The following LGR6 variants were observed in gnomAD, a reference collection of about 807,000 sequenced individuals.
LGR6 encodes leucine rich repeat containing G protein-coupled receptor 6, also known as leucine-rich repeat-containing G protein-coupled receptor 6.
Under a neutral mutation model 69.4 loss-of-function variants are expected in LGR6, and 45 were observed. That is an observed-to-expected ratio of 0.65 (90% CI 0.51 to 0.83). The LOEUF (loss-of-function observed/expected upper bound fraction) is 0.83, where lower values mean the gene tolerates loss of function less well. LGR6 is among the 40% of genes least tolerant of loss of function. The pLI, the probability that LGR6 is intolerant of heterozygous loss-of-function variation, is 0.00. For synonymous variants in LGR6, 538 were observed against 555.0 expected, an observed-to-expected ratio of 0.97 and a Z score of 0.43; for missense variants, 1,108 against 1,246.7, an observed-to-expected ratio of 0.89 and a Z score of 1.68.
At chr1:202,210,428 G>A (rs1429301174) in intron 1 of LGR6, among the ~76,000 whole-genome samples, 23 of 131,734 alleles carry the variant, frequency 1.7e-4, no homozygotes, top group East Asian at 2.2e-4. Context: ...GTACAGAGCA[G>A]AAAAAAAAAA....
At chr1:202,217,679 C>T (rs1314470328) in intron 1 of LGR6, among the ~76,000 whole-genome samples, 1 of 152,078 alleles carries the variant, frequency 6.6e-6, no homozygotes, top group Non-Finnish European at 1.5e-5. Context: ...CCCCCCACTC[C>T]AGGCACCCCT....
chr1:202,262,049 A>T (rs1664280117), intron 4 of LGR6, among the ~76,000 whole-genome samples: 2 of 152,056 alleles, frequency 1.3e-5, no homozygotes, highest in African/African-American at 2.4e-5. Context: ...GTTCACTCTG[A>T]TGGTAGTTTC....
At chr1:202,276,569 TG>T in intron 5 of LGR6, 48 bp downstream of exon 5, 2 of 1,464,642 alleles carry the variant, frequency 1.4e-6, no homozygotes, top group Non-Finnish European at 1.9e-6. Flanking sequence ...TGCTGGGGGC[TG>T]GGGGCTGCAT....
chr1:202,313,695 C>A (rs566960072), intron 16 of LGR6, among the ~76,000 whole-genome samples: 1 of 152,252 alleles, frequency 6.6e-6, no homozygotes, highest in East Asian at 1.9e-4. Flanking sequence ...AATCTATTAG[C>A]TGAAAATTTT....
At position 202,314,091 on chromosome 1, in the gene LGR6, A is replaced by G. The variant is rs532880636; in HGVS notation, c.1568-711A>G. ...TGGACAGCTCTAATTGTGGGAACTT[A>G]CTCTTGTTAGGAAGTAGTAGAGTGT... On this transcript the variant is annotated intron_variant, in intron 16 of 17. Coordinates refer to ENST00000367278, the MANE Select transcript of LGR6 (RefSeq NM_001017403.2). Among the ~76,000 whole-genome samples the G allele has an allele frequency of 7.9e-5, 12 of 152,182 alleles. No individual in the cohort carries two copies. The South Asian group carries it at 8.3e-4, about 11-fold the overall frequency.
chr1:202,225,456 G>T lies in LGR6; in HGVS notation c.246G>T (p.Gln82His), dbSNP rs192046683. 1.2e-6 allele frequency: 2 copies of T among 1,614,044 alleles called. No individual in the cohort carries two copies. Among genetic ancestry groups the T allele is most frequent in the Non-Finnish European group, 1.7e-6 (2 of 1,179,918 alleles). The change falls in exon 2 of 18, where the codon CAG becomes CAT. Residue 82 changes from glutamine (Q) to histidine (H), a missense_variant. Coordinates refer to ENST00000367278, the MANE Select transcript of LGR6 (RefSeq NM_001017403.2). ...DLSMNNLTEL[Q>H]PGLFHHLRFL... ...GCATGAACAACCTCACAGAGCTTCA[G>T]CCTGGCCTCTTCCACCACCTGCGCT... is the stretch of plus-strand genomic sequence containing the variant.
intron 4 of LGR6, among the ~76,000 whole-genome samples, chr1:202,238,137 C>T (rs1336439331): frequency 2.0e-5 from 3 of 152,068 alleles, no homozygotes; most frequent in African/African-American, 7.2e-5. Flanking sequence ...GGCTCTGTCA[C>T]CCAGGCTGGA....
At chr1:202,316,792 A>C in intron 17 of LGR6, among the ~76,000 whole-genome samples, 1 of 152,366 alleles carries the variant, frequency 6.6e-6, no homozygotes. Flanking sequence ...CCAAGCTACC[A>C]AGAAACACAT....
At chr1:202,301,657 C>T (rs891772188) in intron 9 of LGR6, among the ~76,000 whole-genome samples, 1 of 152,202 alleles carries the variant, frequency 6.6e-6, no homozygotes, top group African/African-American at 2.4e-5. Context: ...CACCCTTGGC[C>T]TGAAGGTGCT....
chr1:202,318,993 C>T lies in LGR6; in HGVS notation c.2690C>T (p.Pro897Leu), dbSNP rs1302002021. 4 of 1,613,646 alleles carry T rather than the reference C, an allele frequency of 2.5e-6. No individual in the cohort carries two copies. The African/African-American group carries it at 5.3e-5, about 22-fold the overall frequency. ...CCTGGGCTGGAGACCTATGGCTTCC[C>T]CTCAGTGACCCTCATCTCCTGTCAG... Reference protein sequence around the residue: ...RPPGLETYGFPSVTLISCQQP... With the variant: ...RPPGLETYGFLSVTLISCQQP... Residue 897 changes from proline (P) to leucine (L), a missense_variant, in exon 18 of 18, where the codon CCC (proline) becomes CTC (leucine). Transcript: ENST00000367278.
intron 4 of LGR6, among the ~76,000 whole-genome samples, chr1:202,272,642 C>T (rs938852943): frequency 6.6e-6 from 1 of 152,244 alleles, no homozygotes; most frequent in Admixed American, 6.5e-5. Flanking sequence ...GTGCCATGCT[C>T]GGCCCAGCCT....
At chr1:202,314,750 C>A in intron 16 of LGR6, 52 bp from the exon 17 acceptor site, 2 of 1,329,472 alleles carry the variant, frequency 1.5e-6, no homozygotes, top group African/African-American at 1.4e-5. Flanking sequence ...AAAGGTAGGG[C>A]TTGACTGACA....
Position 202,269,152 on chromosome 1 carries a change from C to T in LGR6, c.429-7154C>T, listed in dbSNP as rs564179823. On this transcript the variant is annotated intron_variant, in intron 4 of 17. Coordinates refer to ENST00000367278, the MANE Select transcript of LGR6 (RefSeq NM_001017403.2). ...AACTCCTGAGCTCAAGCAATCCTCC[C>T]GCCTGAGCCTCCCAAAGTGCTGGGA... Among the ~76,000 whole-genome samples, 44 of 152,204 alleles carry T rather than the reference C, an allele frequency of 2.9e-4. 1 individual carries two copies. The highest frequency in any genetic ancestry group is 1.1e-3 in the African/African-American group (44 of 41,510).
At chr1:202,274,807 G>GC (rs1665402588) in intron 4 of LGR6, among the ~76,000 whole-genome samples, 1 of 152,206 alleles carries the variant, frequency 6.6e-6, no homozygotes, top group East Asian at 1.9e-4. Context: ...AGCCTTGCCA[G>GC]CAGAGGGCAC....
At chr1:202,290,010 T>C (rs1176813007) in intron 6 of LGR6, among the ~76,000 whole-genome samples, 1 of 152,226 alleles carries the variant, frequency 6.6e-6, no homozygotes, top group Non-Finnish European at 1.5e-5. Context: ...TCTTTCTTAA[T>C]TGCTATGAAA....
chr1:202,229,538 C>T (rs1253941017), intron 3 of LGR6, among the ~76,000 whole-genome samples: 1 of 152,258 alleles, frequency 6.6e-6, no homozygotes, highest in Non-Finnish European at 1.5e-5. Flanking sequence ...ATGTAAGACT[C>T]ACGTCCCATT....
At chr1:202,198,543 G>T (rs1255859257) in intron 1 of LGR6, among the ~76,000 whole-genome samples, 16 of 152,220 alleles carry the variant, frequency 1.1e-4, no homozygotes, top group Non-Finnish European at 4.4e-5. Flanking sequence ...AGCATGGGAG[G>T]GAGGGAAGCA....
intron 1 of LGR6, among the ~76,000 whole-genome samples, chr1:202,222,084 G>A (rs1459960711): frequency 2.0e-5 from 3 of 152,236 alleles, no homozygotes; most frequent in Non-Finnish European, 4.4e-5. Context: ...CATTCCCAGG[G>A]CTGGTGGCAT....
chr1:202,212,762 AT>A (rs1659511594), intron 1 of LGR6, among the ~76,000 whole-genome samples: 1 of 152,220 alleles, frequency 6.6e-6, no homozygotes, highest in Admixed American at 6.5e-5. Flanking sequence ...GTAAGATCAT[AT>A]TCACAGGTTC....
Sources: allele counts gnomAD v4.1 joint callset (sites outside exome capture counted in the v4.1 genomes callset), GRCh38; gene constraint gnomAD v4.1.1; transcripts MANE v1.5; gene names NCBI Gene and HGNC (gene_info 2026-07-23, HGNC 2026-07-21).